The following HDAC9 variants were observed in gnomAD, a reference collection of about 807,000 sequenced individuals.
HDAC9 encodes histone deacetylase 9, also known as MEF-2 interacting transcription repressor (MITR) protein.
HDAC9 carries 41 observed loss-of-function variants against 139.4 expected under a neutral mutation model. That is an observed-to-expected ratio of 0.29 (90% CI 0.23 to 0.38). The LOEUF (loss-of-function observed/expected upper bound fraction) is 0.38, where lower values mean the gene tolerates loss of function less well. Among genes scored for constraint, HDAC9 ranks in the 10% least tolerant of loss-of-function variants. The probability of loss-of-function intolerance (pLI) is 1.00; values close to 1 mark genes in which losing one functional copy is unlikely to be tolerated. For missense variants in HDAC9, 1,147 were observed against 1,297.0 expected (o/e 0.88, Z 1.78); for synonymous variants, 517 against 476.2 (o/e 1.09, Z -1.12).
chr7:18,760,878 G>A (rs894261300), intron 14 of HDAC9, among the ~76,000 whole-genome samples: 5 of 152,208 alleles, frequency 3.3e-5, no homozygotes, highest in African/African-American at 1.2e-4. Context: ...TAACATTGAA[G>A]AGTCTGGCAG....
intron 1 of HDAC9, among the ~76,000 whole-genome samples, chr7:18,484,767 T>C (rs994822848): frequency 6.6e-6 from 1 of 152,018 alleles, no homozygotes; most frequent in African/African-American, 2.4e-5. Context: ...GTGAGAAGAT[T>C]GCTTGAGCCT....
chr7:18,974,984 C>A (rs538492397), intron 24 of HDAC9, among the ~76,000 whole-genome samples: 6 of 152,282 alleles, frequency 3.9e-5, no homozygotes, highest in African/African-American at 7.2e-5. Flanking sequence ...ATAGTACTAA[C>A]CTGGTGAGTC....
At chr7:18,898,742 A>G (rs998141055) in intron 22 of HDAC9, among the ~76,000 whole-genome samples, 2 of 151,802 alleles carry the variant, frequency 1.3e-5, no homozygotes, top group Admixed American at 1.3e-4. Flanking sequence ...CTTTTTTTTT[A>G]TAAGTGAGTC....
chr7:18,458,835 C>G, intron 1 of HDAC9: 1 of 1,532,890 alleles, frequency 6.5e-7, no homozygotes, highest in East Asian at 2.4e-5. Flanking sequence ...CTTTCTTATC[C>G]CCACAGACCT....
intron 1 of HDAC9, among the ~76,000 whole-genome samples, chr7:18,294,621 T>G (rs1452181431): frequency 1.3e-5 from 2 of 152,078 alleles, no homozygotes; most frequent in Non-Finnish European, 2.9e-5. Context: ...ACTGGCAGAA[T>G]CCAGATCGTG....
At chr7:18,137,110 G>A (rs1454213749) in intron 1 of HDAC9, among the ~76,000 whole-genome samples, 31 of 146,786 alleles carry the variant, frequency 2.1e-4, no homozygotes, top group African/African-American at 7.5e-4. Context: ...CTGTTTGTCT[G>A]TTATTGGTGT....
At chr7:18,774,148 A>G (rs1790557645) in intron 16 of HDAC9, among the ~76,000 whole-genome samples, 1 of 152,092 alleles carries the variant, frequency 6.6e-6, no homozygotes, top group Non-Finnish European at 1.5e-5. Flanking sequence ...CATTATTGCT[A>G]TAGAGTGTCT....
intron 1 of HDAC9, among the ~76,000 whole-genome samples, chr7:18,426,533 A>T (rs909037947): frequency 1.3e-5 from 2 of 152,188 alleles, no homozygotes; most frequent in Non-Finnish European, 2.9e-5. Flanking sequence ...ATCATAGTTT[A>T]TCTGATGTAT....
chr7:18,580,501 C>CT (rs1286904407), intron 2 of HDAC9, among the ~76,000 whole-genome samples: 2 of 152,074 alleles, frequency 1.3e-5, no homozygotes, highest in African/African-American at 4.8e-5. Flanking sequence ...TATTTGCAAC[C>CT]TCAGACAAGC....
chr7:18,793,127 T>A (rs1238282867), intron 16 of HDAC9: 4 of 532,236 alleles, frequency 7.5e-6, no homozygotes, highest in Middle Eastern at 5.2e-4. Flanking sequence ...AGAGAAAAAG[T>A]ATAAGCAAAG....
intron 21 of HDAC9, among the ~76,000 whole-genome samples, chr7:18,839,994 AT>A (rs999329948): frequency 1.3e-4 from 20 of 152,274 alleles, no homozygotes; most frequent in African/African-American, 4.8e-4. Context: ...TGTTTAAAAA[AT>A]AAGTAGCAAT....
chr7:18,330,655 A>G (rs980110191), intron 1 of HDAC9, among the ~76,000 whole-genome samples: 1 of 151,602 alleles, frequency 6.6e-6, no homozygotes, highest in Non-Finnish European at 1.5e-5. Context: ...TTTTCTAAAA[A>G]TAAGTCACTT....
intron 22 of HDAC9, among the ~76,000 whole-genome samples, chr7:18,927,872 T>C (rs1257034782): frequency 3.9e-5 from 6 of 152,182 alleles, no homozygotes; most frequent in African/African-American, 1.2e-4. Context: ...GCCAGAATCA[T>C]TTTTGTTGTT....
chr7:18,903,814 C>G (rs368030551), intron 22 of HDAC9, among the ~76,000 whole-genome samples: 2 of 152,196 alleles, frequency 1.3e-5, no homozygotes, highest in East Asian at 3.9e-4. Context: ...CCATTTGGCT[C>G]ACTCTGGCTT....
intron 17 of HDAC9, among the ~76,000 whole-genome samples, chr7:18,825,486 G>C (rs947660180): frequency 3.9e-5 from 6 of 152,080 alleles, no homozygotes; most frequent in Non-Finnish European, 5.9e-5. Context: ...AATGACCTTG[G>C]AGTTAGTAGC....
chr7:18,572,152 A>T (rs1009783391), intron 2 of HDAC9, among the ~76,000 whole-genome samples: 1 of 151,840 alleles, frequency 6.6e-6, no homozygotes, highest in Admixed American at 6.5e-5. Flanking sequence ...TATTTATTAA[A>T]CTTACAGTAT....
Position 18,255,874 on chromosome 7 carries a change from G to A in HDAC9, c.25+93525G>A, listed in dbSNP as rs140011813. Among the ~76,000 whole-genome samples, 882 of 152,020 alleles carry A rather than the reference G, an allele frequency of 5.8e-3. 10 individuals are homozygous for A. The highest frequency in any genetic ancestry group is 0.02 in the African/African-American group (840 of 41,488). On this transcript the variant is annotated intron_variant, in intron 2 of 12. Coordinates refer to the HDAC9 transcript ENST00000417496. ...GATCTCTTGACGTCGTGATCTGCCC[G>A]CCTCGGCCTCCCAAAGTGTTGGGAT...
intron 1 of HDAC9, among the ~76,000 whole-genome samples, chr7:18,421,308 G>T (rs938517614): frequency 7.3e-5 from 11 of 149,830 alleles, no homozygotes; most frequent in Admixed American, 2.7e-4. Flanking sequence ...CTCAAAACTT[G>T]CATTAAAATG....
chr7:18,540,104 A>C lies in HDAC9; in HGVS notation c.22+43780A>C, dbSNP rs1004067271. On this transcript the variant is annotated intron_variant, in intron 2 of 25. Transcript: ENST00000686413. ...GAAACCGCATCCCTACTAAAAATAC[A>C]AAAAAAAAAAAAAAAAAAAATAGCC... 5.8e-5 allele frequency among the ~76,000 whole-genome samples: 5 copies of C among 86,722 alleles called. No homozygotes were observed. In the South Asian group the frequency reaches 1.1e-3, roughly 20 times the overall value. The allele number at this position is 86,722 out of a possible 152,430, so 56.9% of individuals were successfully genotyped here.
Sources: gnomAD v4.1 joint callset for allele counts (sites outside exome capture counted in the v4.1 genomes callset) on GRCh38, gnomAD v4.1.1 for gene constraint, MANE v1.5 for transcripts, NCBI Gene and HGNC (gene_info 2026-07-23, HGNC 2026-07-21) for gene names.